Variants in TAOK2 observed in about 807,000 individuals in gnomAD.
TAOK2 encodes the protein TAO kinase 2.
In TAOK2, 42 loss-of-function variants were observed where a neutral mutation model predicts 122.5. That is an observed-to-expected ratio of 0.34 (90% CI 0.27 to 0.44). The LOEUF (loss-of-function observed/expected upper bound fraction) is 0.44. Among genes scored for constraint, TAOK2 ranks in the 20% least tolerant of loss-of-function variants. The pLI, the probability that TAOK2 is intolerant of heterozygous loss-of-function variation, is 1.00. For missense variants in TAOK2, 1,264 were observed against 1,644.9 expected (o/e 0.77, Z 4.01); for synonymous variants, 704 against 677.6 (o/e 1.04, Z -0.61).
At chr16:29,988,500 A>G (rs533216427), downstream of TAOK2, 273 of 1,183,916 alleles carry the variant, frequency 2.3e-4, 5 homozygotes, top group South Asian at 4.2e-3. Context: ...TCTTCACCCC[A>G]TCTCCGTTAT....
intron 1 of TAOK2, among the ~76,000 whole-genome samples, chr16:29,975,129 T>A (rs1170028491): frequency 6.6e-6 from 1 of 152,166 alleles, no homozygotes; most frequent in African/African-American, 2.4e-5. Flanking sequence ...TGTATGCGTG[T>A]GTGTGTGTGC....
At position 29,987,923 on chromosome 16, in the gene TAOK2, T is replaced by A; in HGVS notation, c.3651T>A (p.Thr1217=). Residue 1217 remains threonine, a synonymous_variant, in exon 16 of 16, where the codon ACT becomes ACA. Transcript: ENST00000308893. The stretch of plus-strand genomic sequence containing the variant: ...CCTCCCGCCAGCCACTGCCAGGGAC[T>A]CTAGCCGGGCGGAGGTCACGCACCC... ...PPASRQPLPG[T]LAGRRSRTRQ... is the part of the protein sequence containing the mutation. The A allele has an allele frequency of 6.4e-7, 1 of 1,559,996 alleles. No individual in the cohort carries two copies. The highest frequency in any genetic ancestry group is 8.6e-7 in the Non-Finnish European group (1 of 1,158,006).
At chr16:29,992,139 G>A (rs1489872922), downstream of TAOK2, 5 of 151,618 alleles carry the variant, frequency 3.3e-5, no homozygotes, top group Non-Finnish European at 7.4e-5. Flanking sequence ...GGGGAAACAA[G>A]GGAAGGACCT....
At chr16:29,981,989 G>GTT in intron 10 of TAOK2, 49 bp downstream of exon 10, 1 of 1,501,014 alleles carries the variant, frequency 6.7e-7, no homozygotes, top group Non-Finnish European at 9.2e-7. Flanking sequence ...GCTTGTTACA[G>GTT]CCACAAGAAC....
chr16:29,991,163 C>T (rs1444993583), downstream of TAOK2: 2 of 1,611,402 alleles, frequency 1.2e-6, no homozygotes, highest in Non-Finnish European at 1.7e-6. This position sits in a 1 kb window ranked among gnomAD's most constrained non-coding sequence, Gnocchi z 5.6. Flanking sequence ...GGCTGGGCTT[C>T]TCCAGCATGG....
At chr16:29,992,200 G>A (rs1478372668), downstream of TAOK2, 1 of 151,822 alleles carries the variant, frequency 6.6e-6, no homozygotes, top group Non-Finnish European at 1.5e-5. Flanking sequence ...GCCCCTCTCA[G>A]CTGTGGGGCT....
rs756263525 is a variant in TAOK2 at position 29,983,060 on chromosome 16, C to A, written c.1000-12C>A. 1.2e-6 allele frequency: 2 copies of A among 1,613,688 alleles called. No homozygotes were observed. Among genetic ancestry groups the A allele is most frequent in the African/African-American group, 2.7e-5 (2 of 74,908 alleles). On this transcript the variant is annotated splice_polypyrimidine_tract_variant and intron_variant, in intron 11 of 15. Coordinates refer to ENST00000308893, the MANE Select transcript of TAOK2 (RefSeq NM_016151.4). ...CCCCTTCCCTGTCCAGCAGCCTACGCCCTGTTCGCAGGAGGCCGAGCCCTA... is the reference window on the plus strand; with the variant it reads ...CCCCTTCCCTGTCCAGCAGCCTACGACCTGTTCGCAGGAGGCCGAGCCCTA...
At chr16:29,983,380 C>A in intron 12 of TAOK2, 48 bp downstream of exon 12, 1 of 1,563,510 alleles carries the variant, frequency 6.4e-7, no homozygotes, top group South Asian at 1.2e-5. Flanking sequence ...TCTAGAACTG[C>A]CTGGGTCTTC....
intron 10 of TAOK2, 117 bp from the exon 11 acceptor site, chr16:29,982,617 C>A: frequency 7.3e-7 from 1 of 1,378,848 alleles, no homozygotes; most frequent in Non-Finnish European, 9.9e-7. Flanking sequence ...AGGCCAGCAT[C>A]AACCCGTGGT....
chr16:29,974,807 C>T (rs1165630134), intron 1 of TAOK2, among the ~76,000 whole-genome samples, 159 bp downstream of exon 1: 2 of 152,134 alleles, frequency 1.3e-5, no homozygotes, highest in African/African-American at 4.8e-5. Flanking sequence ...CTGTTGCCAC[C>T]CCCTTCCCCT....
chr16:29,988,496 C>T (rs1209098229), downstream of TAOK2: 1 of 1,195,078 alleles, frequency 8.4e-7, no homozygotes, highest in African/African-American at 1.6e-5. Flanking sequence ...GACCTCTTCA[C>T]CCCATCTCCG....
rs2069539525 is a variant in TAOK2, at chr16:29,978,968, C to T, written c.353-6C>T. 6.2e-7 allele frequency: 1 copy of T among 1,614,178 alleles called. No homozygotes were observed. Among genetic ancestry groups the T allele is most frequent in the Non-Finnish European group, 8.5e-7 (1 of 1,180,022 alleles). On this transcript the variant is annotated splice_region_variant and splice_polypyrimidine_tract_variant and intron_variant, in intron 5 of 15. Transcript: ENST00000308893. ...CCTCGGGTTGATGTTCTTCCTCACT[C>T]TCCAGTGCACAAGAAACCCCTTCAG...
intron 10 of TAOK2, 126 bp downstream of exon 10, chr16:29,982,066 A>C (rs1383478050): frequency 4.1e-6 from 3 of 739,312 alleles, no homozygotes; most frequent in Admixed American, 2.2e-5. Flanking sequence ...TTCCCACCCC[A>C]TCCCCAATGC....
chr16:29,990,476 A>T (rs1156240066), downstream of TAOK2: 1 of 229,018 alleles, frequency 4.4e-6, no homozygotes, highest in Admixed American at 5.5e-5. Flanking sequence ...TTTTTACAGC[A>T]TAGAATTTTC....
chr16:29,979,346 A>G lies in TAOK2; in HGVS notation c.563+38A>G, dbSNP rs753185979. On this transcript the variant is annotated intron_variant, in intron 7 of 15. Transcript: ENST00000308893. The surrounding 1 kb of genome is among the most constrained non-coding windows in gnomAD (Gnocchi z 4.1). ...GTGGTGGTGAGTGGAGAGACCTCCC[A>G]GGGATGTTGGGAGTAGGAGTGACAG... 5 of 1,612,014 alleles carry G rather than the reference A, an allele frequency of 3.1e-6. No individual in the cohort carries two copies. Among genetic ancestry groups the G allele is most frequent in the South Asian group, 1.1e-5 (1 of 90,988 alleles).
At chr16:29,991,543 A>G (rs546499897), downstream of TAOK2, 58 of 1,483,406 alleles carry the variant, frequency 3.9e-5, no homozygotes, top group African/African-American at 1.1e-4. The surrounding 1 kb of genome is among the most constrained non-coding windows in gnomAD (Gnocchi z 5.6). Flanking sequence ...CACATCCTCA[A>G]TGGTTCTTCC....
Position 29,979,288 on chromosome 16 carries a change from C to T in TAOK2, c.543C>T (p.Ser181=). Residue 181 remains serine, a synonymous_variant, in exon 7 of 16, where the codon TCC becomes TCT. Transcript: ENST00000308893. The surrounding 1 kb of genome is among the most constrained non-coding windows in gnomAD (Gnocchi z 4.1). ...CGTCCATCATGGCACCTGCCAACTC[C>T]TTCGTGGGCACCCCATACTGGTGAG... ...GSASIMAPAN[S]FVGTPYWMAP... The T allele has an allele frequency of 1.2e-6, 2 of 1,614,158 alleles. No individual in the cohort carries two copies. The highest frequency in any genetic ancestry group is 1.1e-5 in the South Asian group (1 of 91,080).
chr16:29,986,439 C>A lies in TAOK2; in HGVS notation c.2167C>A (p.Arg723=). 6.2e-7 allele frequency: 1 copy of A among 1,608,112 alleles called. No homozygotes were observed. Among genetic ancestry groups the A allele is most frequent in the Non-Finnish European group, 8.5e-7 (1 of 1,177,274 alleles). Residue 723 remains arginine, a synonymous_variant, in exon 16 of 16, where the codon CGG becomes AGG. Transcript: ENST00000308893. The surrounding 1 kb of genome is among the most constrained non-coding windows in gnomAD (Gnocchi z 4.2). ...GGGCAACCAGCTGGAGTACAACAAG[C>A]GGCGTGAGCAAGAGTTGCGGCAGAA... ...ELGNQLEYNK[R]REQELRQKHA...
At position 29,988,343 on chromosome 16, in the gene TAOK2, C is replaced by T. The variant is rs1418534861; in HGVS notation, c.*363C>T. Reference sequence around the variant, plus strand: ...GTCTCCCTTCCAACCTGTCCCCTTCCCCCCACCAAAAAAAGAAAAAGACAA... The same window carrying T: ...GTCTCCCTTCCAACCTGTCCCCTTCTCCCCACCAAAAAAAGAAAAAGACAA... On this transcript the variant is annotated 3_prime_UTR_variant, in exon 16 of 16. Coordinates refer to ENST00000308893, the MANE Select transcript of TAOK2 (RefSeq NM_016151.4). The T allele has an allele frequency of 4.3e-6, 6 of 1,391,108 alleles. No homozygotes were observed. The African/African-American group carries it at 7.2e-5, about 17-fold the overall frequency. The allele number at this position is 1,391,108 out of a possible 1,614,324, so 86.2% of individuals were successfully genotyped here.
Sources: allele counts gnomAD v4.1 joint callset (sites outside exome capture counted in the v4.1 genomes callset), GRCh38; gene constraint gnomAD v4.1.1; non-coding constraint Gnocchi (gnomAD v3.1); transcripts MANE v1.5; gene names NCBI Gene and HGNC (gene_info 2026-07-23, HGNC 2026-07-21).